The following IMMP2L variants were observed in gnomAD, a reference collection of about 807,000 sequenced individuals.
IMMP2L encodes the protein inner mitochondrial membrane peptidase subunit 2.
In IMMP2L, 18 loss-of-function variants were observed where a neutral mutation model predicts 19.3. The observed-to-expected ratio is 0.93, with a 90% CI of 0.64 to 1.38. The LOEUF (loss-of-function observed/expected upper bound fraction) is 1.38. IMMP2L is among the 40% of genes most tolerant of loss of function. The probability of loss-of-function intolerance (pLI) is 0.00; values close to 1 mark genes in which losing one functional copy is unlikely to be tolerated. For missense variants in IMMP2L, 233 were observed against 218.2 expected (o/e 1.07, Z -0.43); for synonymous variants, 76 against 73.0 (o/e 1.04, Z -0.21).
At chr7:111,051,228 T>C (rs73418014) in intron 3 of IMMP2L, among the ~76,000 whole-genome samples, 18,340 of 152,250 alleles carry the variant, frequency 0.12, 1,500 homozygotes, top group Middle Eastern at 0.22. Context: ...GGGAGACTAG[T>C]GTATGACTGT....
In IMMP2L at chr7:110,895,825, T is replaced by C. The variant is rs183120005; in HGVS notation, c.306-9130A>G. Among the ~76,000 whole-genome samples the C allele has an allele frequency of 9.6e-3, 1,460 of 152,284 alleles. 22 individuals carry two copies. Among genetic ancestry groups the C allele is most frequent in the African/African-American group, 0.032 (1,347 of 41,538 alleles). On this transcript the variant is annotated intron_variant, in intron 4 of 5. Transcript: ENST00000405709. The stretch of plus-strand genomic sequence containing the variant: ...TAAAATTGTAACTCCCAGTTTTTCA[T>C]TGTACTACATAGGAAGGCAGTTGAT...
intron 3 of IMMP2L, among the ~76,000 whole-genome samples, chr7:111,173,840 TG>T (rs1218102489): frequency 1.3e-5 from 2 of 151,708 alleles, no homozygotes; most frequent in Non-Finnish European, 3.0e-5. Flanking sequence ...TTACCATCAT[TG>T]TAACATTTAA....
intron 3 of IMMP2L, among the ~76,000 whole-genome samples, chr7:111,410,169 A>C (rs2131500804): frequency 6.6e-6 from 1 of 151,966 alleles, no homozygotes; most frequent in South Asian, 2.1e-4. Context: ...GGAGTTATAA[A>C]GTGAACAATT....
intron 3 of IMMP2L, among the ~76,000 whole-genome samples, chr7:111,191,805 C>T (rs149810294): frequency 5.4e-4 from 82 of 152,180 alleles, no homozygotes; most frequent in Admixed American, 4.4e-3. Context: ...CACATCCCTC[C>T]ACCCTACCTT....
Position 111,487,220 on chromosome 7 carries a change from T to A in IMMP2L, c.239+18A>T, listed in dbSNP as rs368422563. 1 of 1,105,296 alleles carries A rather than the reference T, an allele frequency of 9.0e-7. No individual in the cohort carries two copies. The highest frequency in any genetic ancestry group is 1.4e-6 in the Non-Finnish European group (1 of 720,052). The allele number at this position is 1,105,296 out of a possible 1,614,324, so 68.5% of individuals were successfully genotyped here. The stretch of plus-strand genomic sequence containing the variant: ...AATAATTTTATATACAAATATAGTA[T>A]GCTTCTGAGTTACTTACACCAATGA... On this transcript the variant is annotated intron_variant, in intron 3 of 5. Transcript: ENST00000405709.
chr7:110,667,092 G>T (rs1053150407), intron 5 of IMMP2L, among the ~76,000 whole-genome samples: 1 of 152,050 alleles, frequency 6.6e-6, no homozygotes, highest in African/African-American at 2.4e-5. Flanking sequence ...AGATGGTCTC[G>T]ATCTTCTGAC....
chr7:111,252,289 G>A (rs1018498212), intron 3 of IMMP2L, among the ~76,000 whole-genome samples: 1 of 152,078 alleles, frequency 6.6e-6, no homozygotes, highest in Non-Finnish European at 1.5e-5. Context: ...GTGTATGTAC[G>A]TAGCATGCAC....
chr7:111,396,628 G>A (rs556699026), intron 3 of IMMP2L, among the ~76,000 whole-genome samples: 7 of 151,996 alleles, frequency 4.6e-5, no homozygotes, highest in Admixed American at 2.6e-4. Context: ...TAACAAACCC[G>A]TACGTTTTGC....
intron 5 of IMMP2L, among the ~76,000 whole-genome samples, chr7:110,871,176 AAAG>A (rs1808504010): frequency 6.6e-6 from 1 of 152,098 alleles, no homozygotes; most frequent in Non-Finnish European, 1.5e-5. Flanking sequence ...AAATCTGAGG[AAAG>A]AAGATGGAAG....
chr7:111,113,626 T>A (rs1032816692), intron 3 of IMMP2L, among the ~76,000 whole-genome samples: 6 of 151,430 alleles, frequency 4.0e-5, no homozygotes, highest in African/African-American at 1.5e-4. Context: ...AATAAAAAAA[T>A]GACTTAAAAA....
intron 5 of IMMP2L, among the ~76,000 whole-genome samples, chr7:110,687,408 T>C (rs1314654109): frequency 6.6e-6 from 1 of 152,130 alleles, no homozygotes; most frequent in Non-Finnish European, 1.5e-5. Context: ...AAGTCATCTT[T>C]TTTGTTTTTT....
chr7:111,353,536 T>C (rs1828395178), intron 3 of IMMP2L, among the ~76,000 whole-genome samples: 1 of 152,126 alleles, frequency 6.6e-6, no homozygotes, highest in Non-Finnish European at 1.5e-5. Flanking sequence ...TACACTATCT[T>C]GTGTGTCAAG....
chr7:111,441,117 A>G (rs1437983239), intron 3 of IMMP2L, among the ~76,000 whole-genome samples: 1 of 151,906 alleles, frequency 6.6e-6, no homozygotes, highest in Non-Finnish European at 1.5e-5. Flanking sequence ...AACTTTCTCC[A>G]TAACAGCAAT....
chr7:111,397,393 C>A (rs1048419090), intron 3 of IMMP2L, among the ~76,000 whole-genome samples: 3 of 152,036 alleles, frequency 2.0e-5, no homozygotes, highest in Non-Finnish European at 4.4e-5. Flanking sequence ...ACAGTTACTA[C>A]CATAATAATG....
At chr7:111,207,741 G>A (rs1395648676) in intron 3 of IMMP2L, among the ~76,000 whole-genome samples, 1 of 151,586 alleles carries the variant, frequency 6.6e-6, no homozygotes, top group Non-Finnish European at 1.5e-5. Flanking sequence ...TCACCATGTT[G>A]GCCAGGATAG....
intron 3 of IMMP2L, among the ~76,000 whole-genome samples, chr7:111,444,835 T>C (rs1454177001): frequency 6.6e-6 from 1 of 152,122 alleles, no homozygotes; most frequent in Non-Finnish European, 1.5e-5. Flanking sequence ...GGAGTAGATA[T>C]GCCCCTCTAA....
chr7:111,188,566 T>G (rs993186818), intron 3 of IMMP2L, among the ~76,000 whole-genome samples: 1 of 152,110 alleles, frequency 6.6e-6, no homozygotes, highest in South Asian at 2.1e-4. Context: ...TTTCAACATA[T>G]GAATTTGGGG....
At chr7:111,114,910 T>C (rs1799692027) in intron 3 of IMMP2L, among the ~76,000 whole-genome samples, 2 of 152,164 alleles carry the variant, frequency 1.3e-5, no homozygotes, top group Admixed American at 6.5e-5. Context: ...CGGGTCTGCA[T>C]ACTTACACAA....
intron 3 of IMMP2L, among the ~76,000 whole-genome samples, chr7:111,210,981 A>G (rs915923878): frequency 6.6e-6 from 1 of 152,178 alleles, no homozygotes; most frequent in Non-Finnish European, 1.5e-5. Flanking sequence ...ATTTAATTTA[A>G]GCAAAAATGT....
Sources: gnomAD v4.1 joint callset for allele counts (sites outside exome capture counted in the v4.1 genomes callset) on GRCh38, gnomAD v4.1.1 for gene constraint, MANE v1.5 for transcripts, NCBI Gene and HGNC (gene_info 2026-07-23, HGNC 2026-07-21) for gene names.